The following PLAC1 variants were observed in gnomAD, a reference collection of about 807,000 sequenced individuals.
PLAC1 encodes placenta-specific protein 1.
For synonymous variants in PLAC1, 68 were observed against 62.1 expected (o/e 1.09, Z -0.44); for missense variants, 136 against 163.2 (o/e 0.83, Z 0.91).
At chrX:134,677,881 G>A (rs2078480847) in intron 2 of PLAC1, among the ~76,000 whole-genome samples, 1 of 111,756 alleles carries the variant, frequency 8.9e-6, no homozygotes, top group Non-Finnish European at 1.9e-5. Flanking sequence ...AGAGATAACA[G>A]TGGCTAAGAC....
intron 1 of PLAC1, among the ~76,000 whole-genome samples, chrX:134,609,529 C>T (rs1261364538): frequency 1.8e-5 from 2 of 112,072 alleles, no homozygotes; most frequent in Non-Finnish European, 3.8e-5. Flanking sequence ...ATAAACCATT[C>T]TTCTCTAACA....
intron 1 of PLAC1, among the ~76,000 whole-genome samples, chrX:134,648,246 A>T (rs1376731121): frequency 4.5e-5 from 5 of 111,503 alleles, no homozygotes; most frequent in Admixed American, 3.8e-4. Flanking sequence ...ATGGGACAAA[A>T]TGATCTCTGG....
At chrX:134,727,171 C>T (rs962832900) in intron 2 of PLAC1, among the ~76,000 whole-genome samples, 5 of 111,506 alleles carry the variant, frequency 4.5e-5, no homozygotes, top group African/African-American at 1.6e-4. Context: ...GGGTGTGCTC[C>T]CCCTCCCTCA....
At chrX:134,756,511 A>C (rs1007716832) in intron 1 of PLAC1, among the ~76,000 whole-genome samples, 1 of 111,147 alleles carries the variant, frequency 9.0e-6, no homozygotes, top group Non-Finnish European at 1.9e-5. Context: ...AATAGAATTT[A>C]TTTAAAAAGT....
chrX:134,607,570 G>T, intron 1 of PLAC1: 1 of 170,379 alleles, frequency 5.9e-6, no homozygotes. Context: ...AGCACACTGT[G>T]CAAGAACCAG....
chrX:134,686,994 G>C (rs765647642), intron 2 of PLAC1, among the ~76,000 whole-genome samples: 1 of 111,374 alleles, frequency 9.0e-6, no homozygotes, highest in African/African-American at 3.3e-5. Context: ...AAATCATAAA[G>C]CTTCTCATTG....
chrX:134,579,537 C>G (rs1352189487), intron 2 of PLAC1, among the ~76,000 whole-genome samples: 1 of 111,681 alleles, frequency 9.0e-6, no homozygotes, highest in Non-Finnish European at 1.9e-5. Flanking sequence ...ACTGAGCAAA[C>G]CAAAGCATAG....
chrX:134,726,378 A>C (rs1430159305), intron 2 of PLAC1, among the ~76,000 whole-genome samples: 1 of 111,281 alleles, frequency 9.0e-6, no homozygotes, highest in Non-Finnish European at 1.9e-5. Context: ...CTGCTCTCAC[A>C]CTACTGTAAT....
chrX:134,604,248 T>C (rs983098436), intron 1 of PLAC1, among the ~76,000 whole-genome samples: 3 of 112,883 alleles, frequency 2.7e-5, no homozygotes, highest in African/African-American at 6.4e-5. Context: ...TAAGCATGTA[T>C]GATGCAATAC....
intron 1 of PLAC1, among the ~76,000 whole-genome samples, chrX:134,744,282 A>G (rs1389714259): frequency 1.2e-5 from 1 of 82,481 alleles, no homozygotes; most frequent in Admixed American, 1.2e-4. Context: ...ACTCCATCTC[A>G]AAAAAAAAAA....
At chrX:134,594,161 A>G (rs2078052226) in intron 2 of PLAC1, among the ~76,000 whole-genome samples, 1 of 111,860 alleles carries the variant, frequency 8.9e-6, no homozygotes, top group African/African-American at 3.2e-5. Context: ...TGATATAATC[A>G]TGTGATTTTT....
chrX:134,639,244 T>C (rs2078297274), intron 1 of PLAC1, among the ~76,000 whole-genome samples: 1 of 112,036 alleles, frequency 8.9e-6, no homozygotes, highest in African/African-American at 3.2e-5. Context: ...GTCTACATGA[T>C]GGTTTCCATA....
chrX:134,582,876 A>G (rs769450077), intron 2 of PLAC1, among the ~76,000 whole-genome samples: 2 of 112,101 alleles, frequency 1.8e-5, no homozygotes, highest in East Asian at 5.6e-4. Context: ...GGTTTGAGGC[A>G]GGATAGTCTA....
chrX:134,682,881 T>C (rs1178100122), intron 2 of PLAC1, among the ~76,000 whole-genome samples: 3 of 111,363 alleles, frequency 2.7e-5, no homozygotes, highest in African/African-American at 6.5e-5. Context: ...CTAGAGGATG[T>C]CAGCTAATCA....
At chrX:134,571,527 G>A (rs1387777787) in intron 2 of PLAC1, among the ~76,000 whole-genome samples, 1 of 111,375 alleles carries the variant, frequency 9.0e-6, no homozygotes, top group Non-Finnish European at 1.9e-5. Flanking sequence ...ATAATATATT[G>A]TATATTTCAA....
At chrX:134,757,480 T>C (rs1287724610) in intron 1 of PLAC1, among the ~76,000 whole-genome samples, 1 of 111,952 alleles carries the variant, frequency 8.9e-6, no homozygotes, top group Non-Finnish European at 1.9e-5. Flanking sequence ...ATGAAAAAAG[T>C]GGGAAACTTT....
At chrX:134,647,834 G>A (rs2078342258) in intron 1 of PLAC1, among the ~76,000 whole-genome samples, 1 of 111,288 alleles carries the variant, frequency 9.0e-6, no homozygotes, top group Non-Finnish European at 1.9e-5. Context: ...TGCATTCAGG[G>A]GAAGACGAAC....
intron 1 of PLAC1, among the ~76,000 whole-genome samples, chrX:134,747,855 C>T (rs12858878): frequency 0.43 from 47,566 of 110,752 alleles, 9,373 homozygotes; most frequent in Non-Finnish European, 0.62. Context: ...GCTTCCCACC[C>T]TAGACAAGAA....
At chrX:134,696,990 G>A (rs1256528329) in intron 2 of PLAC1, among the ~76,000 whole-genome samples, 1 of 105,938 alleles carries the variant, frequency 9.4e-6, no homozygotes, top group Non-Finnish European at 1.9e-5. Flanking sequence ...CCGAGATCGC[G>A]CCACTGCACT....
Sources: allele counts gnomAD v4.1 joint callset (sites outside exome capture counted in the v4.1 genomes callset), GRCh38; gene constraint gnomAD v4.1.1; transcripts MANE v1.5; gene names NCBI Gene and HGNC (gene_info 2026-07-23, HGNC 2026-07-21).